SAMD3: variants seen among roughly 807,000 people sequenced by gnomAD.
The protein encoded by SAMD3 is sterile alpha motif domain containing 3.
Under a neutral mutation model 58.5 loss-of-function variants are expected in SAMD3, and 63 were observed. That is an observed-to-expected ratio of 1.08 (90% CI 0.88 to 1.33). The LOEUF (loss-of-function observed/expected upper bound fraction) is 1.33. Ranked by LOEUF, SAMD3 falls within the 40% of genes most tolerant of loss-of-function variation. The pLI, the probability that SAMD3 is intolerant of heterozygous loss-of-function variation, is 0.00. For missense variants in SAMD3, 604 were observed against 608.4 expected, an observed-to-expected ratio of 0.99 and a Z score of 0.08; for synonymous variants, 220 against 210.3, an observed-to-expected ratio of 1.05 and a Z score of -0.40.
At chr6:130,202,898 C>T (rs1794767594) in intron 5 of SAMD3, among the ~76,000 whole-genome samples, 1 of 129,020 alleles carries the variant, frequency 7.8e-6, no homozygotes, top group South Asian at 2.5e-4. Context: ...CCTGTGTGGT[C>T]TTTGATGCCC....
chr6:130,269,864 A>G (rs976544249), intron 2 of SAMD3, among the ~76,000 whole-genome samples: 2 of 152,030 alleles, frequency 1.3e-5, no homozygotes, highest in Admixed American at 1.3e-4. Context: ...CTTCCTTACC[A>G]GGGTTGCTTT....
At chr6:130,253,797 A>T (rs1179280289) in intron 2 of SAMD3, among the ~76,000 whole-genome samples, 1 of 151,766 alleles carries the variant, frequency 6.6e-6, no homozygotes, top group Non-Finnish European at 1.5e-5. Flanking sequence ...AAATGTGCTT[A>T]TACCTCTTTT....
Position 130,144,453 on chromosome 6 carries a change from CA to C in SAMD3, c.*66del. The stretch of plus-strand genomic sequence containing the variant: ...ACCTACCTCTACCACAACCCTAAAT[CA>C]AAACAATTTCTTATGAAGCTTCAGT... On this transcript the variant is annotated 3_prime_UTR_variant, in exon 12 of 12. Coordinates refer to ENST00000439090, the MANE Select transcript of SAMD3 (RefSeq NM_001017373.4). 1 of 1,514,250 alleles carries C rather than the reference CA, an allele frequency of 6.6e-7. No homozygotes were observed. Among genetic ancestry groups the C allele is most frequent in the Non-Finnish European group, 8.9e-7 (1 of 1,119,366 alleles). 93.8% of individuals were successfully genotyped at this position (1,514,250 alleles called of 1,614,324 possible).
At chr6:130,178,610 G>A (rs566359882) in intron 7 of SAMD3, among the ~76,000 whole-genome samples, 1 of 152,286 alleles carries the variant, frequency 6.6e-6, no homozygotes, top group South Asian at 2.1e-4. Context: ...ATCCCTGAAA[G>A]CACCATAGCC....
chr6:130,261,768 G>C (rs907945180), intron 2 of SAMD3, among the ~76,000 whole-genome samples: 1 of 152,154 alleles, frequency 6.6e-6, no homozygotes. Context: ...CATTAGAGGT[G>C]GGTTGGCCAT....
chr6:130,243,874 G>T (rs1239190756), intron 2 of SAMD3, among the ~76,000 whole-genome samples: 1 of 152,118 alleles, frequency 6.6e-6, no homozygotes, highest in Non-Finnish European at 1.5e-5. Flanking sequence ...TGTATCTGCT[G>T]CTACTTGAAT....
rs190103058 is a variant in SAMD3, at chr6:130,271,924, G to A, written c.-188+41054C>T. Among the ~76,000 whole-genome samples the A allele has an allele frequency of 1.3e-3, 201 of 152,228 alleles. 2 individuals carry two copies. Among genetic ancestry groups the A allele is most frequent in the Admixed American group, 0.012 (190 of 15,282 alleles). ...CATGAGAACAGCATGGGAAAGACCC[G>A]TCCCCATGATTCAATTACCTCCCAC... On this transcript the variant is annotated intron_variant, in intron 2 of 13. Transcript: ENST00000368134.
intron 5 of SAMD3, among the ~76,000 whole-genome samples, chr6:130,208,892 G>C (rs1016418558): frequency 3.3e-5 from 5 of 152,092 alleles, no homozygotes; most frequent in African/African-American, 1.2e-4. Context: ...GCTATTCTAG[G>C]GGATGCCGTG....
chr6:130,208,340 G>GT (rs1295353673), intron 5 of SAMD3, among the ~76,000 whole-genome samples: 1 of 152,234 alleles, frequency 6.6e-6, no homozygotes, highest in Admixed American at 6.5e-5. Flanking sequence ...GATTGCCTGG[G>GT]TGGGACGGCC....
chr6:130,309,634 A>G lies in SAMD3; in HGVS notation c.-188+3344T>C, dbSNP rs143178727. Among the ~76,000 whole-genome samples, 6 of 152,348 alleles carry G rather than the reference A, an allele frequency of 3.9e-5. No homozygotes were observed. The East Asian group carries it at 1.2e-3, about 29-fold the overall frequency. ...GCCACCAAGCAGTGGAATTGAAAAC[A>G]GCAAAAAGCCTAACAGTAACCAAGA... On this transcript the variant is annotated intron_variant, in intron 2 of 13. Transcript: ENST00000368134.
intron 5 of SAMD3, among the ~76,000 whole-genome samples, chr6:130,189,465 T>C (rs893637559): frequency 6.6e-6 from 1 of 152,242 alleles, no homozygotes; most frequent in Non-Finnish European, 1.5e-5. Context: ...CTATGGTATT[T>C]GTTTGGCAGC....
chr6:130,329,937 G>A (rs1219258996), intron 1 of SAMD3, among the ~76,000 whole-genome samples: 1 of 151,766 alleles, frequency 6.6e-6, no homozygotes, highest in African/African-American at 2.4e-5. Flanking sequence ...AAAGGGGAGG[G>A]AGAGCATTAG....
chr6:130,195,368 A>T (rs149556707), intron 5 of SAMD3, among the ~76,000 whole-genome samples: 3,150 of 152,266 alleles, frequency 0.021, 45 homozygotes, highest in Non-Finnish European at 0.027. Context: ...AAAGCCTGTT[A>T]TCACTCGCCT....
At chr6:130,291,181 C>T (rs1406210101) in intron 2 of SAMD3, among the ~76,000 whole-genome samples, 1 of 152,192 alleles carries the variant, frequency 6.6e-6, no homozygotes. Context: ...ACCTCTGCTT[C>T]CTGAGTTCAA....
At chr6:130,325,774 C>T (rs925104911) in intron 1 of SAMD3, among the ~76,000 whole-genome samples, 3 of 152,088 alleles carry the variant, frequency 2.0e-5, no homozygotes, top group Non-Finnish European at 4.4e-5. Context: ...TGTCATGGTT[C>T]GAGTGTTTTG....
At chr6:130,320,089 A>T (rs1018339939) in intron 1 of SAMD3, among the ~76,000 whole-genome samples, 1 of 152,312 alleles carries the variant, frequency 6.6e-6, no homozygotes, top group South Asian at 2.1e-4. Context: ...CATCCAAAAG[A>T]AGGCAGTAAA....
intron 1 of SAMD3, among the ~76,000 whole-genome samples, chr6:130,336,000 T>G (rs1006879486): frequency 6.6e-6 from 1 of 151,706 alleles, no homozygotes; most frequent in South Asian, 2.1e-4. Context: ...AACATCACAC[T>G]CTGGGGACTG....
At chr6:130,266,626 C>T (rs1774366206) in intron 2 of SAMD3, among the ~76,000 whole-genome samples, 1 of 152,154 alleles carries the variant, frequency 6.6e-6, no homozygotes, top group Admixed American at 6.5e-5. Context: ...TGTAGATCCT[C>T]CCAGAGTCCC....
intron 5 of SAMD3, among the ~76,000 whole-genome samples, chr6:130,186,944 T>G (rs1418751393): frequency 2.6e-5 from 4 of 151,466 alleles, no homozygotes; most frequent in East Asian, 3.9e-4. Context: ...CTAATTTTTT[T>G]TATTTTTAGT....
Sources: gnomAD v4.1 joint callset for allele counts (sites outside exome capture counted in the v4.1 genomes callset) on GRCh38, gnomAD v4.1.1 for gene constraint, MANE v1.5 for transcripts, NCBI Gene and HGNC (gene_info 2026-07-23, HGNC 2026-07-21) for gene names.